The following BCAS4 variants were observed in gnomAD, a reference collection of about 807,000 sequenced individuals.
The protein encoded by BCAS4 is breast carcinoma amplified sequence 4, also known as breast carcinoma-amplified sequence 4.
A neutral mutation model predicts 15.7 loss-of-function variants in BCAS4; 9 were observed. The observed-to-expected ratio is 0.57, with a 90% CI of 0.34 to 1.00. The LOEUF is 1.00. BCAS4 is among the 50% of genes least tolerant of loss of function. BCAS4 has a pLI of 0.02. For missense variants in BCAS4, 225 were observed against 239.1 expected (o/e 0.94, Z 0.39); for synonymous variants, 101 against 99.5 (o/e 1.02, Z -0.09).
chr20:50,875,531 G>A (rs1335605560), intron 4 of BCAS4, among the ~76,000 whole-genome samples: 16 of 149,670 alleles, frequency 1.1e-4, no homozygotes, highest in East Asian at 5.9e-4. Flanking sequence ...TTGGGAGGCC[G>A]AGGCGGGCGA....
chr20:50,813,017 C>T (rs1213791251), intron 1 of BCAS4, among the ~76,000 whole-genome samples: 1 of 151,950 alleles, frequency 6.6e-6, no homozygotes, highest in Non-Finnish European at 1.5e-5. Context: ...CGGTGTCTCA[C>T]TATGTTGCCC....
In BCAS4 at chr20:50,853,931, C is replaced by T. The variant is rs536550179; in HGVS notation, c.399+12031C>T. ...TCTAGCCTCACTCGCTAGATGTACC[C>T]TCCCCGCAGTGTAACAACCAAAAAG... On this transcript the variant is annotated intron_variant, in intron 4 of 4. Transcript: ENST00000371608. Among the ~76,000 whole-genome samples the T allele has an allele frequency of 1.6e-4, 25 of 152,176 alleles. No homozygotes were observed. The South Asian group carries it at 5.0e-3, about 30-fold the overall frequency.
intron 1 of BCAS4, among the ~76,000 whole-genome samples, chr20:50,804,667 T>C (rs955526468): frequency 9.2e-5 from 14 of 152,218 alleles, no homozygotes; most frequent in Non-Finnish European, 1.9e-4. Flanking sequence ...AGCACATGCA[T>C]TTTAAATGTT....
At chr20:50,834,677 C>T (rs945386860) in intron 3 of BCAS4, among the ~76,000 whole-genome samples, 12 of 152,134 alleles carry the variant, frequency 7.9e-5, no homozygotes, top group Non-Finnish European at 1.0e-4. Context: ...CATTCCTGAA[C>T]GTTTTCCCAA....
chr20:50,818,037 G>T (rs1365795803), intron 1 of BCAS4, among the ~76,000 whole-genome samples, 174 bp from the exon 2 acceptor site: 1 of 151,892 alleles, frequency 6.6e-6, no homozygotes, highest in African/African-American at 2.4e-5. Context: ...CGTGATGGGC[G>T]CCAGGACTGC....
intron 1 of BCAS4, among the ~76,000 whole-genome samples, chr20:50,796,472 TATATATA>T (rs1569013138): frequency 1.5e-4 from 2 of 12,910 alleles, no homozygotes; most frequent in African/African-American, 6.2e-4. Flanking sequence ...TATATATATA[TATATATA>T]TATATATATT....
rs559789484 is a variant in BCAS4 at position 50,851,552 on chromosome 20, G to T, written c.399+9652G>T. Among the ~76,000 whole-genome samples the T allele has an allele frequency of 1.3e-5, 2 of 152,142 alleles. No individual in the cohort carries two copies. The highest frequency in any genetic ancestry group is 2.9e-5 in the Non-Finnish European group (2 of 67,976). On this transcript the variant is annotated intron_variant, in intron 4 of 4. Coordinates refer to ENST00000371608, the MANE Select transcript of BCAS4 (RefSeq NM_198799.4). The surrounding 1 kb of genome is among the most constrained non-coding windows in gnomAD (Gnocchi z 4.3). ...CCGACAACAAGAAGTTTTCATTTTTGGGGGGGTGCTGTTTGTTGGGCCCTA... is the reference window on the plus strand; with the variant it reads ...CCGACAACAAGAAGTTTTCATTTTTTGGGGGGTGCTGTTTGTTGGGCCCTA...
intron 4 of BCAS4, among the ~76,000 whole-genome samples, chr20:50,854,363 G>A (rs908675147): frequency 6.6e-6 from 1 of 152,112 alleles, no homozygotes; most frequent in Non-Finnish European, 1.5e-5. Context: ...ATTCTGATGT[G>A]GGCGCTGTTC....
At chr20:50,822,110 T>G (rs760666054) in intron 2 of BCAS4, among the ~76,000 whole-genome samples, 4 of 152,194 alleles carry the variant, frequency 2.6e-5, no homozygotes, top group Admixed American at 1.3e-4. Context: ...TCATCACTTG[T>G]CTGGTACCTG....
chr20:50,869,890 A>G (rs1979548810), intron 4 of BCAS4, among the ~76,000 whole-genome samples: 1 of 151,772 alleles, frequency 6.6e-6, no homozygotes, highest in Admixed American at 6.6e-5. Context: ...CTGGGATTAC[A>G]GGCACCCGCC....
intron 4 of BCAS4, among the ~76,000 whole-genome samples, chr20:50,849,728 A>T (rs1396979891): frequency 6.6e-6 from 1 of 152,176 alleles, no homozygotes; most frequent in African/African-American, 2.4e-5. Flanking sequence ...TATATGGGGG[A>T]GAAAGCTGGA....
intron 1 of BCAS4, among the ~76,000 whole-genome samples, chr20:50,812,861 G>T (rs1434626092): frequency 4.6e-5 from 7 of 152,044 alleles, no homozygotes; most frequent in Admixed American, 2.6e-4. Flanking sequence ...TGTCATCCAG[G>T]CTGGAGTGCA....
At position 50,851,208 on chromosome 20, in the gene BCAS4, G is replaced by A. The variant is rs1224098329; in HGVS notation, c.399+9308G>A. ...AAGAAGGGAGAGGAAATTGTGAGGC[G>A]CCTTCTCCCGGCCCTGAACCAGCCA... On this transcript the variant is annotated intron_variant, in intron 4 of 4. Transcript: ENST00000371608. This position sits in a 1 kb window ranked among gnomAD's most constrained non-coding sequence, Gnocchi z 4.3. Among the ~76,000 whole-genome samples the A allele has an allele frequency of 6.6e-6, 1 of 152,164 alleles. No homozygotes were observed. Among genetic ancestry groups the A allele is most frequent in the East Asian group, 1.9e-4 (1 of 5,190 alleles).
chr20:50,824,022 C>T (rs2088248750), intron 2 of BCAS4, among the ~76,000 whole-genome samples: 1 of 152,136 alleles, frequency 6.6e-6, no homozygotes, highest in Non-Finnish European at 1.5e-5. Flanking sequence ...TAGCACAGTG[C>T]TATTTATTAA....
chr20:50,850,110 T>C (rs749299381), intron 4 of BCAS4, among the ~76,000 whole-genome samples: 67 of 152,342 alleles, frequency 4.4e-4, no homozygotes, highest in Non-Finnish European at 7.8e-4. Context: ...GAGCGGCATC[T>C]TCTCCACTTT....
At chr20:50,854,709 C>T (rs920180018) in intron 4 of BCAS4, among the ~76,000 whole-genome samples, 33 of 152,106 alleles carry the variant, frequency 2.2e-4, no homozygotes, top group African/African-American at 7.7e-4. Context: ...GGGTGGGCTG[C>T]GAGGATTGCT....
At chr20:50,832,472 G>T (rs977832716) in intron 3 of BCAS4, among the ~76,000 whole-genome samples, 2 of 152,056 alleles carry the variant, frequency 1.3e-5, no homozygotes, top group African/African-American at 4.8e-5. Flanking sequence ...TGTCTAGGCT[G>T]CTCTCGAACT....
downstream of BCAS4, chr20:50,879,369 T>A (rs1301343008): frequency 6.6e-6 from 1 of 152,032 alleles, no homozygotes; most frequent in East Asian, 1.9e-4. Context: ...ATACAAAAAT[T>A]AGCCAGGTGC....
intron 1 of BCAS4, among the ~76,000 whole-genome samples, chr20:50,813,046 T>C (rs2088091028): frequency 6.6e-6 from 1 of 152,152 alleles, no homozygotes; most frequent in Non-Finnish European, 1.5e-5. Context: ...CTTGAACTCC[T>C]GGGCTTAAGT....
Sources: allele counts gnomAD v4.1 joint callset (sites outside exome capture counted in the v4.1 genomes callset), GRCh38; gene constraint gnomAD v4.1.1; non-coding constraint Gnocchi (gnomAD v3.1); transcripts MANE v1.5; gene names NCBI Gene and HGNC (gene_info 2026-07-23, HGNC 2026-07-21).